The following ITPK1 variants were observed in gnomAD, a reference collection of about 807,000 sequenced individuals.
ITPK1 encodes the protein inositol 1,3,4-trisphosphate 5/6-kinase.
ITPK1 carries 21 observed loss-of-function variants against 45.3 expected under a neutral mutation model. That is an observed-to-expected ratio of 0.46 (90% CI 0.33 to 0.67). ITPK1 has a LOEUF of 0.67. Among genes scored for constraint, ITPK1 ranks in the 30% least tolerant of loss-of-function variants. The pLI, the probability that ITPK1 is intolerant of heterozygous loss-of-function variation, is 0.02. For missense variants in ITPK1, 474 were observed against 573.5 expected, an observed-to-expected ratio of 0.83 and a Z score of 1.77; for synonymous variants, 258 against 253.6, an observed-to-expected ratio of 1.02 and a Z score of -0.16.
chr14:93,047,360 G>A (rs564570944), intron 3 of ITPK1, among the ~76,000 whole-genome samples: 1 of 152,348 alleles, frequency 6.6e-6, no homozygotes, highest in African/African-American at 2.4e-5. Context: ...ATAAGCTGAA[G>A]TCCTAACCTC....
At chr14:92,949,501 A>G (rs1388322223) in intron 9 of ITPK1, among the ~76,000 whole-genome samples, 1 of 152,176 alleles carries the variant, frequency 6.6e-6, no homozygotes, top group East Asian at 1.9e-4. Flanking sequence ...CAAGGCCCTC[A>G]CTGAGTCAGA....
At chr14:93,019,057 C>T (rs928061435) in intron 3 of ITPK1, among the ~76,000 whole-genome samples, 1 of 152,244 alleles carries the variant, frequency 6.6e-6, no homozygotes, top group Non-Finnish European at 1.5e-5. Context: ...GGTAGAGAGG[C>T]CATGGGCAGA....
At chr14:93,106,671 C>T (rs1347944866) in intron 2 of ITPK1, among the ~76,000 whole-genome samples, 3 of 152,184 alleles carry the variant, frequency 2.0e-5, no homozygotes, top group Non-Finnish European at 2.9e-5. Context: ...CTAGTCACAC[C>T]TTGCAGCATT....
intron 2 of ITPK1, among the ~76,000 whole-genome samples, chr14:93,088,225 G>A (rs937900621): frequency 1.3e-5 from 2 of 152,114 alleles, no homozygotes; most frequent in African/African-American, 2.4e-5. Context: ...AGGGACAGAC[G>A]AGGCAGTGGC....
intron 3 of ITPK1, among the ~76,000 whole-genome samples, chr14:93,050,833 A>C (rs1412537639): frequency 2.0e-5 from 3 of 151,490 alleles, no homozygotes; most frequent in Admixed American, 6.6e-5. Flanking sequence ...GGAGGAAGTG[A>C]GTGTCACTGG....
At chr14:92,961,766 C>G (rs1885086510) in intron 7 of ITPK1, among the ~76,000 whole-genome samples, 1 of 152,236 alleles carries the variant, frequency 6.6e-6, no homozygotes, top group Non-Finnish European at 1.5e-5. Flanking sequence ...AGCCCATGCC[C>G]CACTGTGGTG....
Position 93,029,803 on chromosome 14 carries a change from C to T in ITPK1, c.121-13002G>A, listed in dbSNP as rs1888942580. Among the ~76,000 whole-genome samples the T allele has an allele frequency of 4.6e-5, 7 of 152,226 alleles. No homozygotes were observed. In the South Asian group the frequency reaches 1.2e-3, roughly 27 times the overall value. ...AAGCATAGTAAGGATCAAACAGTCA[C>T]AGACACTGACCCTCCCAGGCCCAAG... On this transcript the variant is annotated intron_variant, in intron 3 of 10. Coordinates refer to ENST00000267615, the MANE Select transcript of ITPK1 (RefSeq NM_014216.6).
At chr14:92,976,378 G>C (rs1382987934) in intron 5 of ITPK1, among the ~76,000 whole-genome samples, 1 of 152,142 alleles carries the variant, frequency 6.6e-6, no homozygotes, top group Non-Finnish European at 1.5e-5. Context: ...TCTTTCTCGG[G>C]ACACACCCCT....
chr14:93,007,041 G>T (rs914433190), intron 4 of ITPK1, among the ~76,000 whole-genome samples: 1 of 152,168 alleles, frequency 6.6e-6, no homozygotes, highest in Non-Finnish European at 1.5e-5. Flanking sequence ...CAGGATGAAG[G>T]GACAGCTGGG....
At chr14:93,022,918 A>G (rs4905035) in intron 3 of ITPK1, among the ~76,000 whole-genome samples, 8,647 of 152,312 alleles carry the variant, frequency 0.057, 467 homozygotes, top group African/African-American at 0.13. Flanking sequence ...TAGAGATAAG[A>G]GTAGGTGCTT....
At chr14:93,111,360 C>A (rs1892745724) in intron 2 of ITPK1, among the ~76,000 whole-genome samples, 1 of 152,038 alleles carries the variant, frequency 6.6e-6, no homozygotes, top group South Asian at 2.1e-4. Context: ...TTAATATCAC[C>A]CAGTATTTCC....
At chr14:93,046,521 T>C (rs914114481) in intron 3 of ITPK1, among the ~76,000 whole-genome samples, 2 of 151,712 alleles carry the variant, frequency 1.3e-5, no homozygotes, top group Admixed American at 6.6e-5. Context: ...GTGCTCAGAC[T>C]TTCCTAAGTG....
intron 5 of ITPK1, among the ~76,000 whole-genome samples, chr14:92,963,453 C>T (rs1417187031): frequency 6.6e-6 from 1 of 152,208 alleles, no homozygotes; most frequent in Non-Finnish European, 1.5e-5. Context: ...TCCACATGGA[C>T]ACTGCCTGAC....
intron 3 of ITPK1, among the ~76,000 whole-genome samples, chr14:93,033,326 T>C (rs933666713): frequency 6.6e-6 from 1 of 152,176 alleles, no homozygotes; most frequent in African/African-American, 2.4e-5. Flanking sequence ...ATGTGACCTG[T>C]GAGCCTTGTG....
intron 3 of ITPK1, among the ~76,000 whole-genome samples, chr14:93,052,024 C>G (rs1266316404): frequency 6.6e-6 from 1 of 152,216 alleles, no homozygotes; most frequent in Non-Finnish European, 1.5e-5. Flanking sequence ...ACCAGGGGAG[C>G]GCCTTCATCT....
intron 2 of ITPK1, among the ~76,000 whole-genome samples, chr14:93,109,649 C>G (rs1046256479): frequency 6.6e-6 from 1 of 152,292 alleles, no homozygotes; most frequent in East Asian, 1.9e-4. Context: ...TAGGTGGGGA[C>G]AGCACCTCCA....
chr14:93,100,818 A>C (rs1406826510), intron 2 of ITPK1, among the ~76,000 whole-genome samples: 1 of 152,176 alleles, frequency 6.6e-6, no homozygotes, highest in African/African-American at 2.4e-5. Context: ...CTGTTGGTTA[A>C]TTGAGAGTGA....
Position 92,937,563 on chromosome 14 carries a change from CACCA to C in ITPK1, c.*3994_*3997del, listed in dbSNP as rs1566678383. 50 of 152,444 alleles carry C rather than the reference CACCA, an allele frequency of 3.3e-4. No homozygotes were observed. Among genetic ancestry groups the C allele is most frequent in the Admixed American group, 2.9e-3 (44 of 15,312 alleles). 9.4% of individuals were successfully genotyped at this position (152,444 alleles called of 1,614,324 possible). On this transcript the variant is annotated 3_prime_UTR_variant, in exon 11 of 11. Transcript: ENST00000267615. ...CAGCAGGAGGCCATGGAGTCATGCTCACCAGCTCTCCCCTGAGCAGTGCGGGAGG... is the reference window on the plus strand; with the variant it reads ...CAGCAGGAGGCCATGGAGTCATGCTCGCTCTCCCCTGAGCAGTGCGGGAGG...
chr14:93,094,371 C>T (rs145112855), intron 2 of ITPK1, among the ~76,000 whole-genome samples: 42 of 152,268 alleles, frequency 2.8e-4, no homozygotes, highest in African/African-American at 9.9e-4. Flanking sequence ...TGAGAGGGAA[C>T]GTCCTCCACA....
Sources: gnomAD v4.1 joint callset for allele counts (sites outside exome capture counted in the v4.1 genomes callset) on GRCh38, gnomAD v4.1.1 for gene constraint, MANE v1.5 for transcripts, NCBI Gene and HGNC (gene_info 2026-07-23, HGNC 2026-07-21) for gene names.